The following DMD variants were observed in gnomAD, a reference collection of about 807,000 sequenced individuals.
DMD encodes dystrophin, also known as mutant dystrophin.
A neutral mutation model predicts 330.1 loss-of-function variants in DMD; 63 were observed. The observed-to-expected ratio is 0.19, with a 90% confidence interval of 0.16 to 0.24. The LOEUF is 0.24. DMD is among the 10% of genes least tolerant of loss of function. The pLI, the probability that DMD is intolerant of heterozygous loss-of-function variation, is 1.00. For missense variants in DMD, 3,344 were observed against 2,684.1 expected (o/e 1.25, Z -5.43); for synonymous variants, 1,223 against 959.8 (o/e 1.27, Z -5.07).
intron 12 of DMD, among the ~76,000 whole-genome samples, chrX:32,605,622 A>G (rs2056627024): frequency 9.0e-6 from 1 of 111,155 alleles, no homozygotes; most frequent in South Asian, 3.7e-4. Context: ...CAGACAACTT[A>G]TAGAATGGAA....
At chrX:31,188,494 C>T (rs1228897339) in intron 67 of DMD, among the ~76,000 whole-genome samples, 1 of 112,059 alleles carries the variant, frequency 8.9e-6, no homozygotes, top group Non-Finnish European at 1.9e-5. Context: ...ATATAATCCC[C>T]TCTCAGTATC....
At chrX:31,812,433 G>A (rs1356719644) in intron 50 of DMD, among the ~76,000 whole-genome samples, 1 of 68,011 alleles carries the variant, frequency 1.5e-5, no homozygotes, top group African/African-American at 5.8e-5. Context: ...GGGGGGAGGG[G>A]GGAGGGATAG....
At chrX:32,773,709 C>G (rs963433832) in intron 7 of DMD, among the ~76,000 whole-genome samples, 1 of 110,110 alleles carries the variant, frequency 9.1e-6, no homozygotes, top group African/African-American at 3.3e-5. Context: ...ACAATGTCCT[C>G]CAGTTTTATT....
chrX:32,451,337 C>G (rs1382883608), intron 26 of DMD, among the ~76,000 whole-genome samples: 1 of 110,680 alleles, frequency 9.0e-6, no homozygotes, highest in African/African-American at 3.3e-5. Flanking sequence ...TGTGTATTTA[C>G]TATTCTCACT....
intron 48 of DMD, among the ~76,000 whole-genome samples, chrX:31,845,377 C>G (rs1310235333): frequency 1.1e-4 from 3 of 28,248 alleles, no homozygotes; most frequent in African/African-American, 3.5e-4. Context: ...AGAATAAAGT[C>G]TCTCTCTCTC....
At chrX:32,485,233 T>C (rs2042298700) in intron 20 of DMD, 134 bp from the exon 21 acceptor site, 3 of 595,642 alleles carry the variant, frequency 5.0e-6, no homozygotes, top group Non-Finnish European at 8.2e-6. Context: ...GAAACATCCA[T>C]GACAGTATAG....
chrX:32,929,630 G>T (rs929491961), intron 2 of DMD, among the ~76,000 whole-genome samples: 1 of 110,891 alleles, frequency 9.0e-6, no homozygotes, highest in South Asian at 3.8e-4. Context: ...TGTTACATAG[G>T]TATGCACGTG....
intron 12 of DMD, among the ~76,000 whole-genome samples, chrX:32,607,074 C>T (rs762758348): frequency 1.8e-5 from 2 of 109,191 alleles, no homozygotes; most frequent in South Asian, 7.8e-4. Flanking sequence ...TACTAAAATC[C>T]CAGACTCCAC....
At chrX:32,180,231 C>A (rs2685909) in intron 44 of DMD, among the ~76,000 whole-genome samples, 1 of 110,272 alleles carries the variant, frequency 9.1e-6, no homozygotes, top group Non-Finnish European at 1.9e-5. Flanking sequence ...AAGGTTACAT[C>A]GTAGGGTCAG....
chrX:31,762,765 A>G (rs1371809987), intron 51 of DMD, among the ~76,000 whole-genome samples: 1 of 109,882 alleles, frequency 9.1e-6, no homozygotes, highest in Non-Finnish European at 1.9e-5. Flanking sequence ...GCTGTCACGC[A>G]TAGCTAAACA....
At chrX:31,158,661 CAAT>C (rs1437682778) in intron 74 of DMD, among the ~76,000 whole-genome samples, 1 of 111,778 alleles carries the variant, frequency 8.9e-6, no homozygotes, top group Non-Finnish European at 1.9e-5. Context: ...AATTATATCT[CAAT>C]AAAGGTCTTA....
intron 42 of DMD, among the ~76,000 whole-genome samples, chrX:32,290,448 T>C (rs939660490): frequency 2.7e-5 from 3 of 112,499 alleles, no homozygotes; most frequent in African/African-American, 9.7e-5. Context: ...CAAAAGCTTT[T>C]TTGTTGAATA....
rs1240812601 is a variant in DMD, at chrX:31,774,001, C to A, written c.7501G>T (p.Gly2501Cys). 3 of 1,206,809 alleles carry A rather than the reference C, an allele frequency of 2.5e-6. No homozygotes were observed. The highest frequency in any genetic ancestry group is 1.8e-5 in the African/African-American group (1 of 56,230). ...ATCTCGTTGATATCCTCAAGGTCAC[C>A]CACCATCACCCTCTGTGATTTTATA... ...QVIKSQRVMV[G>C]DLEDINEMII... Residue 2501 changes from glycine (G) to cysteine (C), a missense_variant, in exon 51 of 79, where the codon GGT (glycine) becomes TGT (cysteine). Gly to Cys is a radical substitution (Grantham distance 159, BLOSUM62 -3). Transcript: ENST00000357033.
intron 45 of DMD, among the ~76,000 whole-genome samples, chrX:31,941,202 G>A (rs1044551810): frequency 1.8e-5 from 2 of 111,668 alleles, no homozygotes; most frequent in African/African-American, 6.5e-5. Flanking sequence ...TATCAGTAAA[G>A]CCTGTCACAA....
At chrX:33,001,397 T>C (rs1216769550) in intron 2 of DMD, among the ~76,000 whole-genome samples, 1 of 112,015 alleles carries the variant, frequency 8.9e-6, no homozygotes, top group Non-Finnish European at 1.9e-5. Context: ...GACACACAGC[T>C]TTAGGAACAG....
At chrX:32,786,600 C>A (rs769030253) in intron 7 of DMD, among the ~76,000 whole-genome samples, 2 of 111,772 alleles carry the variant, frequency 1.8e-5, no homozygotes, top group South Asian at 3.7e-4. Flanking sequence ...AAAACTTTTC[C>A]ATTTATTTTC....
intron 55 of DMD, among the ~76,000 whole-genome samples, chrX:31,515,798 C>T (rs1039293581): frequency 8.9e-6 from 1 of 111,966 alleles, no homozygotes; most frequent in African/African-American, 3.2e-5. Flanking sequence ...ATAGTTAATG[C>T]TCAGGATGAT....
intron 1 of DMD, among the ~76,000 whole-genome samples, chrX:33,188,347 T>C (rs1271671930): frequency 9.0e-6 from 1 of 110,789 alleles, no homozygotes; most frequent in Non-Finnish European, 1.9e-5. Context: ...TTCCCATTCT[T>C]CCAGCCCTTT....
At chrX:32,082,946 G>A (rs1309071776) in intron 44 of DMD, among the ~76,000 whole-genome samples, 1 of 111,463 alleles carries the variant, frequency 9.0e-6, no homozygotes, top group Non-Finnish European at 1.9e-5. Context: ...TTTAGGCGTG[G>A]GAGTCAATAT....
Sources: gnomAD v4.1 joint callset for allele counts (sites outside exome capture counted in the v4.1 genomes callset) on GRCh38, gnomAD v4.1.1 for gene constraint, MANE v1.5 for transcripts, NCBI Gene and HGNC (gene_info 2026-07-23, HGNC 2026-07-21) for gene names.